Variants in FAM120B observed in about 807,000 individuals in gnomAD.
FAM120B encodes the protein constitutive coactivator of peroxisome proliferator-activated receptor gamma.
FAM120B carries 83 observed loss-of-function variants against 96.3 expected under a neutral mutation model. The observed-to-expected ratio is 0.86, with a 90% confidence interval of 0.72 to 1.03. The LOEUF is 1.03. Ranked by LOEUF, FAM120B falls within the 50% of genes least tolerant of loss-of-function variation. FAM120B has a pLI of 0.00. For missense variants in FAM120B, 1,027 were observed against 1,121.2 expected (o/e 0.92, Z 1.20); for synonymous variants, 407 against 402.7 (o/e 1.01, Z -0.13).
At chr6:170,330,178 GTA>G in intron 3 of FAM120B, among the ~76,000 whole-genome samples, 2 of 152,292 alleles carry the variant, frequency 1.3e-5, no homozygotes, top group Middle Eastern at 6.8e-3. Context: ...CATTAACATG[GTA>G]AACTCTCTCT....
chr6:170,335,289 T>C (rs111944437), intron 4 of FAM120B, among the ~76,000 whole-genome samples: 148 of 152,202 alleles, frequency 9.7e-4, no homozygotes, highest in African/African-American at 3.4e-3. Flanking sequence ...CTCCCACTTA[T>C]GAGTGAGAAC....
At chr6:170,376,900 C>T (rs767735529) in intron 6 of FAM120B, among the ~76,000 whole-genome samples, 5 of 152,110 alleles carry the variant, frequency 3.3e-5, no homozygotes, top group Non-Finnish European at 7.3e-5. Flanking sequence ...GCGGGGAATG[C>T]CACTTTGTGC....
chr6:170,402,129 A>T (rs1451705128), intron 9 of FAM120B, among the ~76,000 whole-genome samples: 1 of 152,252 alleles, frequency 6.6e-6, no homozygotes. Flanking sequence ...GGACCTAAGG[A>T]GGCAGGCTCA....
chr6:170,365,586 T>A (rs1788730533), intron 6 of FAM120B, among the ~76,000 whole-genome samples: 1 of 152,198 alleles, frequency 6.6e-6, no homozygotes, highest in African/African-American at 2.4e-5. Context: ...AAAGCCCAGA[T>A]GTTTTCTGTT....
intron 6 of FAM120B, among the ~76,000 whole-genome samples, chr6:170,361,198 G>GTATATATATATATATATATA (rs71010657): frequency 1.5e-5 from 1 of 66,024 alleles, no homozygotes; most frequent in African/African-American, 6.3e-5. Context: ...ATATATACGT[G>GTATATATATATATATATATA]TATATATATA....
At chr6:170,309,240 T>C (rs1158164624) in intron 1 of FAM120B, among the ~76,000 whole-genome samples, 1 of 152,236 alleles carries the variant, frequency 6.6e-6, no homozygotes, top group Non-Finnish European at 1.5e-5. Flanking sequence ...AATCTTCAGA[T>C]TTAAAACATG....
intron 1 of FAM120B, among the ~76,000 whole-genome samples, chr6:170,314,167 C>T (rs549953601): frequency 6.6e-6 from 1 of 152,372 alleles, no homozygotes; most frequent in Admixed American, 6.5e-5. Flanking sequence ...AGGAACAAGG[C>T]AGCCTCCAGC....
At chr6:170,320,571 G>C (rs7765070) in intron 2 of FAM120B, among the ~76,000 whole-genome samples, 39,145 of 152,164 alleles carry the variant, frequency 0.26, 5,321 homozygotes, top group East Asian at 0.33. Flanking sequence ...ATGGTAGATG[G>C]TGTTAATCTA....
intron 6 of FAM120B, among the ~76,000 whole-genome samples, chr6:170,377,986 A>G (rs1789666802): frequency 1.3e-5 from 2 of 152,336 alleles, no homozygotes; most frequent in African/African-American, 2.4e-5. Context: ...GAAGAAGTTG[A>G]AACCAAAAGG....
chr6:170,361,233 T>TATATATAC (rs1554286467), intron 6 of FAM120B, among the ~76,000 whole-genome samples: 1 of 120,158 alleles, frequency 8.3e-6, no homozygotes, highest in Non-Finnish European at 1.7e-5. Context: ...TATATATATA[T>TATATATAC]ATACACGTAT....
At chr6:170,359,584 ATG>A (rs1321712527) in intron 6 of FAM120B, among the ~76,000 whole-genome samples, 3 of 151,818 alleles carry the variant, frequency 2.0e-5, no homozygotes, top group African/African-American at 7.3e-5. Flanking sequence ...GCTAATTTAT[ATG>A]TGTGTGTGTA....
upstream of FAM120B, chr6:170,290,802 T>A (rs190285203): frequency 1.2e-3 from 685 of 589,790 alleles, 1 homozygote; most frequent in Middle Eastern, 2.8e-3. The surrounding 1 kb of genome is among the most constrained non-coding windows in gnomAD (Gnocchi z 4.7). Flanking sequence ...GCCAATGCCA[T>A]CCAGTACACA....
chr6:170,326,319 C>G (rs929256605), intron 3 of FAM120B, among the ~76,000 whole-genome samples: 1 of 152,206 alleles, frequency 6.6e-6, no homozygotes, highest in African/African-American at 2.4e-5. Context: ...GCTACCACCA[C>G]AGCCAAGATA....
At chr6:170,397,727 C>G (rs1301349150) in intron 9 of FAM120B, among the ~76,000 whole-genome samples, 2 of 152,184 alleles carry the variant, frequency 1.3e-5, no homozygotes, top group Non-Finnish European at 2.9e-5. Flanking sequence ...CCAGCCTCAT[C>G]CATCCACACC....
chr6:170,379,936 C>T (rs985915891), intron 6 of FAM120B, among the ~76,000 whole-genome samples: 8 of 152,184 alleles, frequency 5.3e-5, no homozygotes, highest in African/African-American at 1.7e-4. Context: ...GTCCTCGTGC[C>T]ATGCATTAGA....
intron 5 of FAM120B, among the ~76,000 whole-genome samples, chr6:170,355,990 GC>G (rs1313425218): frequency 6.6e-6 from 1 of 152,138 alleles, no homozygotes; most frequent in Non-Finnish European, 1.5e-5. Flanking sequence ...GGGACACACC[GC>G]CTGCTGTTCC....
chr6:170,311,979 T>C (rs1784623204), intron 1 of FAM120B, among the ~76,000 whole-genome samples: 1 of 152,218 alleles, frequency 6.6e-6, no homozygotes, highest in African/African-American at 2.4e-5. Flanking sequence ...TTCTTAGTTA[T>C]GGCGTGCAAT....
intron 6 of FAM120B, among the ~76,000 whole-genome samples, chr6:170,376,495 G>A (rs1262133713): frequency 6.6e-6 from 1 of 151,654 alleles, no homozygotes; most frequent in Non-Finnish European, 1.5e-5. Context: ...GGGGGGAGGC[G>A]GGCAGCGGGG....
chr6:170,361,820 G>T (rs1388974909), intron 6 of FAM120B, among the ~76,000 whole-genome samples: 1 of 152,138 alleles, frequency 6.6e-6, no homozygotes, highest in Non-Finnish European at 1.5e-5. Flanking sequence ...TTGAGACAGA[G>T]CCTCGCTCTG....
Sources: gnomAD v4.1 joint callset for allele counts (sites outside exome capture counted in the v4.1 genomes callset) on GRCh38, gnomAD v4.1.1 for gene constraint, Gnocchi (gnomAD v3.1) non-coding constraint, MANE v1.5 for transcripts, NCBI Gene and HGNC (gene_info 2026-07-23, HGNC 2026-07-21) for gene names.